Variants in CEP43 observed in about 807,000 individuals in gnomAD.
CEP43 encodes FGFR1 oncogene partner.
A neutral mutation model predicts 52.6 loss-of-function variants in CEP43; 36 were observed. The observed-to-expected ratio is 0.68, with a 90% CI of 0.52 to 0.90. The LOEUF (loss-of-function observed/expected upper bound fraction) is 0.90, where lower values mean the gene tolerates loss of function less well. CEP43 is among the 40% of genes least tolerant of loss of function. The pLI, the probability that CEP43 is intolerant of heterozygous loss-of-function variation, is 0.00. For missense variants in CEP43, 506 were observed against 472.8 expected (o/e 1.07, Z -0.65); for synonymous variants, 192 against 172.4 (o/e 1.11, Z -0.89).
Position 167,040,037 on chromosome 6 carries a change from T to TG in CEP43, c.*59_*60insG. 1 of 1,612,876 alleles carries TG rather than the reference T, an allele frequency of 6.2e-7. No homozygotes were observed. The highest frequency in any genetic ancestry group is 1.1e-5 in the South Asian group (1 of 90,718). On this transcript the variant is annotated 3_prime_UTR_variant, in exon 13 of 13. Coordinates refer to ENST00000366847, the MANE Select transcript of CEP43 (RefSeq NM_007045.4). ...CAGAGGACTGACCGGTTCCATTTTT[T>TG]TTTTTTCCAGACAATCACTCAGCTG...
At chr6:167,033,592 A>G (rs1490472635) in intron 11 of CEP43, among the ~76,000 whole-genome samples, 1 of 152,130 alleles carries the variant, frequency 6.6e-6, no homozygotes, top group East Asian at 1.9e-4. Context: ...AGCATGATGT[A>G]GTAGATGAAA....
At position 166,999,431 on chromosome 6, in the gene CEP43, G is replaced by T. The variant is rs1281792009; in HGVS notation, c.19G>T (p.Ala7Ser). 14 of 1,477,010 alleles carry T rather than the reference G, an allele frequency of 9.5e-6. No individual in the cohort carries two copies. Among genetic ancestry groups the T allele is most frequent in the African/African-American group, 1.5e-5 (1 of 68,300 alleles). The allele number at this position is 1,477,010 out of a possible 1,614,324, so 91.5% of individuals were successfully genotyped here. Residue 7 changes from alanine to serine, a missense_variant, in exon 1 of 13, where the codon GCA becomes TCA. Physicochemically the swap from Ala to Ser is moderately conservative, Grantham distance 99. Transcript: ENST00000366847. MAATAA[A>S]VVAEEDTELR... ...AAGCAAGATGGCGGCGACGGCGGCC[G>T]CAGTGGTGGCCGAGGAGGACACGGA...
At chr6:167,027,905 C>G (rs780771195) in intron 10 of CEP43, 7 of 985,714 alleles carry the variant, frequency 7.1e-6, no homozygotes, top group Non-Finnish European at 8.4e-6. Flanking sequence ...ATTCTTGTTC[C>G]GCACAGTGCC....
At chr6:167,030,228 C>T (rs1396859326) in intron 10 of CEP43, among the ~76,000 whole-genome samples, 1 of 152,170 alleles carries the variant, frequency 6.6e-6, no homozygotes, top group Non-Finnish European at 1.5e-5. Context: ...ACATTGCAGC[C>T]ACAGCCGTCC....
In CEP43 at chr6:167,042,397, GC is replaced by G; in HGVS notation, c.*2420del. On this transcript the variant is annotated 3_prime_UTR_variant, in exon 13 of 13. Transcript: ENST00000366847. ...ATTGATAACTACAAATGAATAAAAA[GC>G]ATTTATTCTCTTTGTTGATATTCGG... The G allele has an allele frequency of 1.0e-6, 1 of 965,444 alleles. No homozygotes were observed. The highest frequency in any genetic ancestry group is 1.2e-6 in the Non-Finnish European group (1 of 806,880). The allele number at this position is 965,444 out of a possible 1,614,324, so 59.8% of individuals were successfully genotyped here.
intron 12 of CEP43, 112 bp from the exon 13 acceptor site, chr6:167,039,792 G>T (rs1469410976): frequency 1.9e-6 from 2 of 1,048,038 alleles, no homozygotes; most frequent in Admixed American, 4.4e-5. Context: ...TTTGATTATG[G>T]CCATTCTTGC....
At chr6:167,014,416 A>G (rs1780049230) in intron 7 of CEP43, among the ~76,000 whole-genome samples, 2 of 152,210 alleles carry the variant, frequency 1.3e-5, no homozygotes, top group African/African-American at 4.8e-5. Context: ...AAATTGACTA[A>G]TCCAGTAGAT....
At position 167,003,102 on chromosome 6, in the gene CEP43, CA is replaced by C. The variant is rs1322849459; in HGVS notation, c.157-90del. The C allele has an allele frequency of 6.7e-6, 4 of 600,302 alleles. No homozygotes were observed. The African/African-American group carries it at 7.8e-5, about 12-fold the overall frequency. 37.2% of individuals were successfully genotyped at this position (600,302 alleles called of 1,614,324 possible). The stretch of plus-strand genomic sequence containing the variant: ...AGTTGTAGAATGGATTTTGTAAAAC[CA>C]TAATTTTATCAATGAAAACGTTAAA... On this transcript the variant is annotated intron_variant, in intron 2 of 12. Coordinates refer to ENST00000366847, the MANE Select transcript of CEP43 (RefSeq NM_007045.4).
intron 10 of CEP43, among the ~76,000 whole-genome samples, chr6:167,031,504 G>A (rs147903531): frequency 6.6e-6 from 1 of 152,326 alleles, no homozygotes; most frequent in African/African-American, 2.4e-5. Context: ...TTAATCATAT[G>A]ATTTGGCTGT....
intron 3 of CEP43, 163 bp downstream of exon 3, chr6:167,003,410 A>G: frequency 3.9e-6 from 2 of 509,164 alleles, no homozygotes; most frequent in East Asian, 3.2e-5. Flanking sequence ...TTGCTATTAC[A>G]TATTTTTGGA....
chr6:167,007,845 T>G (rs1779889768), intron 5 of CEP43, among the ~76,000 whole-genome samples: 1 of 152,242 alleles, frequency 6.6e-6, no homozygotes, highest in South Asian at 2.1e-4. Flanking sequence ...AAGCCCTTTC[T>G]TGTTTTCTGA....
Position 167,010,842 on chromosome 6 carries a change from T to G in CEP43, c.468T>G (p.Ser156=). 1.3e-6 allele frequency: 2 copies of G among 1,594,248 alleles called. No homozygotes were observed. The highest frequency in any genetic ancestry group is 1.7e-6 in the Non-Finnish European group (2 of 1,170,540). Residue 156 remains serine (S), a synonymous_variant, in exon 6 of 13, where the codon TCT becomes TCG. Coordinates refer to ENST00000366847, the MANE Select transcript of CEP43 (RefSeq NM_007045.4). The stretch of plus-strand genomic sequence containing the variant: ...CACTTGATCTATCTGATGTACATTC[T>G]CCACCAAAGTCACCAGAGGGAAAAA... ...EGALDLSDVH[S]PPKSPEGKTS... is the part of the protein sequence containing the mutation.
intron 11 of CEP43, among the ~76,000 whole-genome samples, chr6:167,033,174 G>C (rs976714126): frequency 8.0e-6 from 1 of 124,590 alleles, no homozygotes; most frequent in Non-Finnish European, 1.6e-5. Context: ...GCAGTGGTGC[G>C]ATCTGGGCTC....
At chr6:167,014,222 C>G (rs1422500291) in intron 7 of CEP43, among the ~76,000 whole-genome samples, 1 of 152,052 alleles carries the variant, frequency 6.6e-6, no homozygotes, top group African/African-American at 2.4e-5. Flanking sequence ...TGAATACGTA[C>G]CTATTGATAA....
intron 7 of CEP43, among the ~76,000 whole-genome samples, chr6:167,017,427 A>G (rs1047133705): frequency 1.3e-5 from 2 of 152,216 alleles, no homozygotes; most frequent in Non-Finnish European, 2.9e-5. Flanking sequence ...CAAATACTAC[A>G]GCATTTTATA....
intron 7 of CEP43, among the ~76,000 whole-genome samples, chr6:167,014,814 C>T (rs1434513613): frequency 6.6e-6 from 1 of 152,188 alleles, no homozygotes; most frequent in African/African-American, 2.4e-5. Flanking sequence ...ACACATTTAA[C>T]ACAGTTCTCA....
chr6:167,025,156 T>C (rs1299933742), intron 9 of CEP43: 1 of 260,574 alleles, frequency 3.8e-6, no homozygotes, highest in East Asian at 6.8e-5. Flanking sequence ...TTTAGCTGAT[T>C]TTTATTATCT....
intron 11 of CEP43, among the ~76,000 whole-genome samples, chr6:167,033,553 T>A (rs79090809): frequency 6.6e-6 from 1 of 152,208 alleles, no homozygotes; most frequent in Non-Finnish European, 1.5e-5. Flanking sequence ...TATTTTTTTT[T>A]ATAATTTATT....
intron 2 of CEP43, among the ~76,000 whole-genome samples, chr6:167,001,915 C>CT (rs11399450): frequency 0.42 from 64,525 of 151,888 alleles, 13,899 homozygotes; most frequent in Non-Finnish European, 0.47. Context: ...CACATCTGAT[C>CT]TGTCCCTCCA....
Sources: gnomAD v4.1 joint callset for allele counts (sites outside exome capture counted in the v4.1 genomes callset) on GRCh38, gnomAD v4.1.1 for gene constraint, MANE v1.5 for transcripts, NCBI Gene and HGNC (gene_info 2026-07-23, HGNC 2026-07-21) for gene names.